The following RANBP2 variants were observed in gnomAD, a reference collection of about 807,000 sequenced individuals.
The protein encoded by RANBP2 is E3 SUMO-protein ligase RanBP2.
RANBP2 carries 57 observed loss-of-function variants against 303.6 expected under a neutral mutation model. That is an observed-to-expected ratio of 0.19 (90% CI 0.15 to 0.23). The LOEUF is 0.23. Among genes scored for constraint, RANBP2 ranks in the 10% least tolerant of loss-of-function variants. The probability of loss-of-function intolerance (pLI) is 1.00; values close to 1 mark genes in which losing one functional copy is unlikely to be tolerated. For missense variants in RANBP2, 3,138 were observed against 3,780.8 expected (o/e 0.83, Z 4.46); for synonymous variants, 1,167 against 1,301.5 (o/e 0.90, Z 2.23).
the RANBP2 span, among the ~76,000 whole-genome samples, chr2:109,416,741 A>G: frequency 6.6e-6 from 1 of 151,782 alleles, no homozygotes; most frequent in African/African-American, 2.4e-5. Flanking sequence ...ATACAACAAC[A>G]ACAACGAACA....
At chr2:109,080,084 T>C in the RANBP2 span, among the ~76,000 whole-genome samples, 7 of 152,292 alleles carry the variant, frequency 4.6e-5, no homozygotes, top group East Asian at 1.4e-3. Context: ...ATGTGGAGGC[T>C]TCGAGCTAGA....
the RANBP2 span, among the ~76,000 whole-genome samples, chr2:109,586,016 A>G: frequency 2.0e-5 from 3 of 152,220 alleles, no homozygotes; most frequent in Middle Eastern, 3.2e-3. Flanking sequence ...CTGTGTCCAG[A>G]TCCTCAAAAC....
At chr2:109,521,518 C>T in the RANBP2 span, among the ~76,000 whole-genome samples, 3 of 152,216 alleles carry the variant, frequency 2.0e-5, no homozygotes, top group Non-Finnish European at 2.9e-5. Flanking sequence ...CCAGGACTGC[C>T]GTGTGCCAGA....
the RANBP2 span, chr2:109,544,365 A>C: frequency 1.9e-6 from 3 of 1,558,130 alleles, no homozygotes; most frequent in Admixed American, 6.5e-5. Flanking sequence ...CAATTTAAAA[A>C]AAATTCAAGT....
chr2:108,837,801 G>T, the RANBP2 span, among the ~76,000 whole-genome samples: 1 of 152,154 alleles, frequency 6.6e-6, no homozygotes, highest in African/African-American at 2.4e-5. Flanking sequence ...AAGTTGGGGG[G>T]AGAAGTTTAT....
chr2:108,751,940 A>C lies in RANBP2; in HGVS notation c.1701A>C (p.Lys567Asn), dbSNP rs1675916553. The change falls in exon 12 of 29, where the codon AAA becomes AAC. Residue 567 changes from lysine to asparagine, a missense_variant. Coordinates refer to ENST00000283195, the MANE Select transcript of RANBP2 (RefSeq NM_006267.5). ...TAAACACTCTAAGAGCCCAGGAAAA[A>C]CATGGCCTTCAACCTGCTCTGCTTG... ...HEINTLRAQEKHGLQPALLVH... is the reference protein window; with the variant it reads ...HEINTLRAQENHGLQPALLVH... 1.2e-6 allele frequency: 2 copies of C among 1,611,888 alleles called. No homozygotes were observed. Among genetic ancestry groups the C allele is most frequent in the African/African-American group, 1.3e-5 (1 of 74,848 alleles).
the RANBP2 span, among the ~76,000 whole-genome samples, chr2:109,622,570 G>C: frequency 6.6e-6 from 1 of 152,156 alleles, no homozygotes; most frequent in African/African-American, 2.4e-5. Flanking sequence ...AAATTAATTT[G>C]GGTCAGGAAA....
At chr2:109,399,019 C>A in the RANBP2 span, 1 of 1,433,788 alleles carries the variant, frequency 7.0e-7, no homozygotes, top group Non-Finnish European at 9.4e-7. Context: ...TCAGTGTCCC[C>A]CGTTCCTCAA....
At chr2:109,421,304 C>G in the RANBP2 span, among the ~76,000 whole-genome samples, 4 of 152,178 alleles carry the variant, frequency 2.6e-5, no homozygotes, top group Non-Finnish European at 5.9e-5. Flanking sequence ...TTGGAGTCCC[C>G]GTGACCAGCT....
At chr2:109,272,570 G>C in the RANBP2 span, among the ~76,000 whole-genome samples, 1 of 152,230 alleles carries the variant, frequency 6.6e-6, no homozygotes, top group Non-Finnish European at 1.5e-5. Flanking sequence ...TGGGCTGAAG[G>C]CTCAGAGCGC....
the RANBP2 span, among the ~76,000 whole-genome samples, chr2:109,572,449 A>G: frequency 1.3e-5 from 2 of 151,284 alleles, no homozygotes; most frequent in Non-Finnish European, 2.9e-5. Context: ...CCTATTTTAT[A>G]TATGAAAAAT....
the RANBP2 span, among the ~76,000 whole-genome samples, chr2:109,198,219 A>C: frequency 6.6e-6 from 1 of 152,170 alleles, no homozygotes; most frequent in African/African-American, 2.4e-5. Context: ...ATAGGTTGTA[A>C]ATCGAAGCAA....
the RANBP2 span, among the ~76,000 whole-genome samples, chr2:108,907,446 G>A: frequency 2.0e-5 from 3 of 152,194 alleles, no homozygotes; most frequent in East Asian, 5.8e-4. Context: ...AGGAGTTTGA[G>A]AGCAGCCTGG....
the RANBP2 span, among the ~76,000 whole-genome samples, chr2:109,426,409 GAGTGGTTGGTTCA>G: frequency 6.6e-6 from 1 of 152,216 alleles, no homozygotes; most frequent in Non-Finnish European, 1.5e-5. Flanking sequence ...GGATGACTTT[GAGTGGTTGGTTCA>G]AGACTTCAGT....
the RANBP2 span, among the ~76,000 whole-genome samples, chr2:109,123,319 T>C: frequency 2.1e-4 from 27 of 130,058 alleles, no homozygotes; most frequent in East Asian, 7.2e-4. Context: ...CTTTTCTTTC[T>C]TTCCTTCCTT....
chr2:109,726,674 G>GCGTTTTACATTTTCCCAAAGT, the RANBP2 span, among the ~76,000 whole-genome samples: 3 of 152,084 alleles, frequency 2.0e-5, no homozygotes, highest in African/African-American at 4.8e-5. Context: ...TTTAGTTTTT[G>GCGTTTTACATTTTCCCAAAGT]CGTTTTACAT....
chr2:109,180,851 A>G, the RANBP2 span, among the ~76,000 whole-genome samples: 1 of 152,212 alleles, frequency 6.6e-6, no homozygotes, highest in Non-Finnish European at 1.5e-5. Flanking sequence ...GAGTGTGGTC[A>G]CAGGGGCTTC....
the RANBP2 span, among the ~76,000 whole-genome samples, chr2:109,258,235 C>T: frequency 0.45 from 68,299 of 151,522 alleles, 15,359 homozygotes; most frequent in African/African-American, 0.48. Context: ...TGGGGGACAG[C>T]CTGGCGCTGT....
chr2:109,689,580 T>C, the RANBP2 span, among the ~76,000 whole-genome samples: 1 of 152,220 alleles, frequency 6.6e-6, no homozygotes, highest in African/African-American at 2.4e-5. Context: ...TAGCATATTT[T>C]CAGTACCTGC....
Sources: allele counts gnomAD v4.1 joint callset (sites outside exome capture counted in the v4.1 genomes callset), GRCh38; gene constraint gnomAD v4.1.1; transcripts MANE v1.5; gene names NCBI Gene and HGNC (gene_info 2026-07-23, HGNC 2026-07-21).